SMG6: variants seen among roughly 807,000 people sequenced by gnomAD.
SMG6 encodes telomerase-binding protein EST1A.
A neutral mutation model predicts 142.2 loss-of-function variants in SMG6; 66 were observed. That is an observed-to-expected ratio of 0.46 (90% CI 0.38 to 0.57). The LOEUF (loss-of-function observed/expected upper bound fraction) is 0.57, where lower values mean the gene tolerates loss of function less well. Ranked by LOEUF, SMG6 falls within the 20% of genes least tolerant of loss-of-function variation. SMG6 has a pLI of 0.00. For synonymous variants in SMG6, 779 were observed against 702.4 expected (o/e 1.11, Z -1.72); for missense variants, 1,793 against 1,832.0 (o/e 0.98, Z 0.39).
At chr17:2,164,471 G>C (rs775820973) in intron 13 of SMG6, among the ~76,000 whole-genome samples, 48 of 152,186 alleles carry the variant, frequency 3.2e-4, no homozygotes, top group Non-Finnish European at 5.0e-4. Context: ...AGCCGGGCGT[G>C]GTGGCATGCA....
chr17:2,293,707 T>C (rs778733239), intron 4 of SMG6, among the ~76,000 whole-genome samples: 1 of 152,360 alleles, frequency 6.6e-6, no homozygotes, highest in African/African-American at 2.4e-5. Flanking sequence ...TGGCCTCAAG[T>C]GATCCATGTG....
At chr17:2,130,268 A>AAAAAAAAAAAAAAC (rs2070071832) in intron 13 of SMG6, among the ~76,000 whole-genome samples, 1 of 135,646 alleles carries the variant, frequency 7.4e-6, no homozygotes, top group African/African-American at 2.6e-5. Flanking sequence ...CTCCGTCTCA[A>AAAAAAAAAAAAAAC]AAAAAAAAAA....
rs1317803796 is a variant in SMG6 at position 2,068,680 on chromosome 17, A to G, written c.3835+98T>C. On this transcript the variant is annotated intron_variant, in intron 16 of 18. Coordinates refer to ENST00000263073, the MANE Select transcript of SMG6 (RefSeq NM_017575.5). This position sits in a 1 kb window ranked among gnomAD's most constrained non-coding sequence, Gnocchi z 6.7. ...TGCAAATCCCATCTTACACACGCAC[A>G]GCAGGGCTCTGCCTGCCTGGCCCCC... The G allele has an allele frequency of 7.7e-7, 1 of 1,303,228 alleles. No individual in the cohort carries two copies. Among genetic ancestry groups the G allele is most frequent in the Non-Finnish European group, 1.1e-6 (1 of 942,514 alleles). 80.7% of individuals were successfully genotyped at this position (1,303,228 alleles called of 1,614,324 possible). A position where few individuals can be genotyped will look rare whatever the true frequency, so the allele number is the denominator to read the frequency against.
At chr17:2,098,755 C>A (rs192183993) in intron 13 of SMG6, among the ~76,000 whole-genome samples, 1 of 151,988 alleles carries the variant, frequency 6.6e-6, no homozygotes, top group African/African-American at 2.4e-5. Context: ...CTCAGCCTCC[C>A]GAGTAGCTGG....
At position 2,078,088 on chromosome 17, in the gene SMG6, T is replaced by C. The variant is rs1000561304; in HGVS notation, c.3681+3722A>G. ...GAAGAGAATGATGGAGGCAGTGCAG[T>C]GAATAGGAGCCTGGTGGGCAGGAGC... is the stretch of plus-strand genomic sequence containing the variant. On this transcript the variant is annotated intron_variant, in intron 15 of 18. Coordinates refer to ENST00000263073, the MANE Select transcript of SMG6 (RefSeq NM_017575.5). Among the ~76,000 whole-genome samples, 15 of 151,824 alleles carry C rather than the reference T, an allele frequency of 9.9e-5. No individual in the cohort carries two copies. In the East Asian group the frequency reaches 2.9e-3, roughly 29 times the overall value.
chr17:2,291,955 T>A (rs1428576257), intron 6 of SMG6, among the ~76,000 whole-genome samples: 1 of 152,074 alleles, frequency 6.6e-6, no homozygotes, highest in East Asian at 1.9e-4. Context: ...TGGTCCCCAC[T>A]TTCCCCCTTG....
At chr17:2,126,633 T>C (rs1390762697) in intron 13 of SMG6, among the ~76,000 whole-genome samples, 2 of 151,406 alleles carry the variant, frequency 1.3e-5, no homozygotes, top group East Asian at 3.9e-4. Flanking sequence ...CAAGAATCAC[T>C]TGAACCCGGG....
At position 2,292,542 on chromosome 17, in the gene SMG6, G is replaced by T. The variant is rs1334496677; in HGVS notation, c.2337+10C>A. 1 of 1,613,862 alleles carries T rather than the reference G, an allele frequency of 6.2e-7. No homozygotes were observed. Among genetic ancestry groups the T allele is most frequent in the Non-Finnish European group, 8.5e-7 (1 of 1,179,810 alleles). ...CAAAGCACTTTTCCCCTGTCCACAGGATTTCTTACCGTATACACTGCCAGC... is the reference window on the plus strand; with the variant it reads ...CAAAGCACTTTTCCCCTGTCCACAGTATTTCTTACCGTATACACTGCCAGC... On this transcript the variant is annotated intron_variant, in intron 6 of 18. Coordinates refer to ENST00000263073, the MANE Select transcript of SMG6 (RefSeq NM_017575.5).
chr17:2,289,048 C>A (rs1369125756), intron 6 of SMG6, among the ~76,000 whole-genome samples: 1 of 146,488 alleles, frequency 6.8e-6, no homozygotes, highest in Non-Finnish European at 1.5e-5. Context: ...CACTGCACTC[C>A]AGCCTGGGCA....
In SMG6 at chr17:2,061,436, C is replaced by A; in HGVS notation, c.*56G>T. On this transcript the variant is annotated 3_prime_UTR_variant, in exon 19 of 19. Coordinates refer to ENST00000263073, the MANE Select transcript of SMG6 (RefSeq NM_017575.5). ...TGGGCATCTTCCGTGCTACACTGGG[C>A]GCCTGGTGGCCTTTCAGGAACGGTT... 1 of 1,516,558 alleles carries A rather than the reference C, an allele frequency of 6.6e-7. No individual in the cohort carries two copies. Among genetic ancestry groups the A allele is most frequent in the East Asian group, 2.5e-5 (1 of 40,600 alleles). The allele number at this position is 1,516,558 out of a possible 1,614,324, so 93.9% of individuals were successfully genotyped here.
intron 10 of SMG6, among the ~76,000 whole-genome samples, chr17:2,197,368 A>T (rs1052672601): frequency 3.3e-5 from 5 of 152,128 alleles, no homozygotes; most frequent in African/African-American, 9.7e-5. Flanking sequence ...GTCTGAGACC[A>T]GCCCTGGCAA....
chr17:2,121,450 C>A (rs558395376), intron 13 of SMG6, among the ~76,000 whole-genome samples: 34 of 151,938 alleles, frequency 2.2e-4, no homozygotes, highest in Non-Finnish European at 4.4e-4. Context: ...CTAAAATAGG[C>A]AAATCTAATC....
chr17:2,260,127 G>A (rs960380123), intron 8 of SMG6, among the ~76,000 whole-genome samples: 2 of 152,194 alleles, frequency 1.3e-5, no homozygotes, highest in Non-Finnish European at 2.9e-5. Context: ...TACCTCCCTG[G>A]CAGCTAGCAG....
intron 8 of SMG6, among the ~76,000 whole-genome samples, chr17:2,280,860 G>A (rs1474019351): frequency 6.6e-6 from 1 of 152,166 alleles, no homozygotes; most frequent in Non-Finnish European, 1.5e-5. Flanking sequence ...CGGGAGGACT[G>A]CTTGAGGCCA....
At chr17:2,154,141 T>A (rs1350195171) in intron 13 of SMG6, among the ~76,000 whole-genome samples, 4 of 135,744 alleles carry the variant, frequency 2.9e-5, no homozygotes, top group Non-Finnish European at 4.6e-5. Context: ...ATGTAGAGTG[T>A]GACGGTGACT....
intron 10 of SMG6, among the ~76,000 whole-genome samples, chr17:2,210,053 A>G (rs1265919544): frequency 1.3e-5 from 2 of 152,022 alleles, no homozygotes; most frequent in Non-Finnish European, 2.9e-5. Context: ...GGGGAGAGAG[A>G]GGGGGTATAA....
chr17:2,236,614 G>A lies in SMG6; in HGVS notation c.2747C>T (p.Ala916Val). ...CTGGAACTCCTTGAGGACCTTCTCA[G>A]CCACTGCAGGGAATGTCTCCATCCT... ...RIGMETFPAV[A>V]EKVLKEFQVL... Residue 916 changes from alanine to valine, a missense_variant, in exon 10 of 19, where the codon GCT becomes GTT. Physicochemically the swap from Ala to Val is moderately conservative, Grantham distance 64. Coordinates refer to ENST00000263073, the MANE Select transcript of SMG6 (RefSeq NM_017575.5). 1 of 1,612,842 alleles carries A rather than the reference G, an allele frequency of 6.2e-7. No homozygotes were observed. The highest frequency in any genetic ancestry group is 1.1e-5 in the South Asian group (1 of 90,844).
At chr17:2,260,556 G>A (rs561284166) in intron 8 of SMG6, among the ~76,000 whole-genome samples, 7 of 152,058 alleles carry the variant, frequency 4.6e-5, no homozygotes, top group African/African-American at 1.2e-4. Flanking sequence ...TTCTCTCTTC[G>A]TCCTCTGTCT....
At chr17:2,137,381 G>C (rs983836078) in intron 13 of SMG6, among the ~76,000 whole-genome samples, 1 of 152,080 alleles carries the variant, frequency 6.6e-6, no homozygotes, top group Non-Finnish European at 1.5e-5. Context: ...GACCCCCACA[G>C]GCTGCTATTC....
Sources: gnomAD v4.1 joint callset for allele counts (sites outside exome capture counted in the v4.1 genomes callset) on GRCh38, gnomAD v4.1.1 for gene constraint, Gnocchi (gnomAD v3.1) non-coding constraint, MANE v1.5 for transcripts, NCBI Gene and HGNC (gene_info 2026-07-23, HGNC 2026-07-21) for gene names.